The following SULT6B1 variants were observed in gnomAD, a reference collection of about 807,000 sequenced individuals.
SULT6B1 encodes sulfotransferase 6B1.
A neutral mutation model predicts 37.2 loss-of-function variants in SULT6B1; 44 were observed. The observed-to-expected ratio is 1.18, with a 90% CI of 0.93 to 1.52. The LOEUF (loss-of-function observed/expected upper bound fraction) is 1.52, where lower values mean the gene tolerates loss of function less well. Among genes scored for constraint, SULT6B1 ranks in the 40% most tolerant of loss-of-function variants. The pLI is 0.00. For synonymous variants in SULT6B1, 140 were observed against 126.0 expected (o/e 1.11, Z -0.74); for missense variants, 450 against 361.0 (o/e 1.25, Z -2.00).
chr2:37,168,573 A>T (rs1234045420), intron 6 of SULT6B1, among the ~76,000 whole-genome samples: 2 of 152,128 alleles, frequency 1.3e-5, no homozygotes, highest in Non-Finnish European at 2.9e-5. Context: ...CACTAGGGGG[A>T]GCCATCAGCC....
upstream of SULT6B1, among the ~76,000 whole-genome samples, chr2:37,192,066 G>T (rs1676791017): frequency 6.6e-6 from 1 of 152,248 alleles, no homozygotes; most frequent in South Asian, 2.1e-4. Context: ...CAGCTGGTTG[G>T]GCTGGGTGCC....
chr2:37,194,505 T>C (rs1676852411), intron 1 of SULT6B1: 2 of 388,464 alleles, frequency 5.1e-6, no homozygotes, highest in Admixed American at 2.9e-5. Flanking sequence ...TACGGGACAT[T>C]CCTTATTCCT....
At position 37,183,522 on chromosome 2, in the gene SULT6B1, A is replaced by G. The variant is rs1676601044; in HGVS notation, c.313-8T>C. The G allele has an allele frequency of 6.2e-7, 1 of 1,609,374 alleles. No individual in the cohort carries two copies. The highest frequency in any genetic ancestry group is 8.5e-7 in the Non-Finnish European group (1 of 1,175,782). ...TGGAAAGCCTTTCATTCTCTTAAAA[A>G]TATACACAAAAAGGTGAAAATGTGC... On this transcript the variant is annotated splice_region_variant and splice_polypyrimidine_tract_variant and intron_variant, in intron 2 of 6. Transcript: ENST00000535679.
At chr2:37,176,421 G>A (rs1455461607) in intron 4 of SULT6B1, among the ~76,000 whole-genome samples, 1 of 151,798 alleles carries the variant, frequency 6.6e-6, no homozygotes, top group Non-Finnish European at 1.5e-5. Flanking sequence ...CACCATGCCT[G>A]GCTAATTTTT....
intron 1 of SULT6B1, among the ~76,000 whole-genome samples, chr2:37,194,953 C>T (rs1572471814): frequency 1.1e-5 from 1 of 93,538 alleles, no homozygotes. Context: ...TCCTTCCTTC[C>T]TTCCTTCCAT....
chr2:37,173,020 T>G (rs919836501), intron 5 of SULT6B1, among the ~76,000 whole-genome samples: 1 of 151,512 alleles, frequency 6.6e-6, no homozygotes, highest in African/African-American at 2.4e-5. Flanking sequence ...ACCCAGCTAA[T>G]TTTTGTATTT....
At chr2:37,188,717 T>C, upstream of SULT6B1, 1 of 593,006 alleles carries the variant, frequency 1.7e-6, no homozygotes, top group Non-Finnish European at 3.0e-6. Context: ...GGGCAGGGGC[T>C]GGAATAAAGG....
At chr2:37,188,360 C>T (rs1201952428) in intron 1 of SULT6B1, 82 bp downstream of exon 1, 13 of 1,220,854 alleles carry the variant, frequency 1.1e-5, no homozygotes, top group Admixed American at 6.1e-5. Flanking sequence ...TGAGGAACCG[C>T]CTTCATCCCA....
At chr2:37,194,569 C>T in intron 1 of SULT6B1, 1 of 369,470 alleles carries the variant, frequency 2.7e-6, no homozygotes, top group Non-Finnish European at 5.3e-6. Flanking sequence ...CTGGAGTTCC[C>T]ATCTCCTTCA....
At chr2:37,174,372 C>A (rs1012468353) in intron 5 of SULT6B1, among the ~76,000 whole-genome samples, 1 of 150,902 alleles carries the variant, frequency 6.6e-6, no homozygotes, top group Admixed American at 6.7e-5. Flanking sequence ...GTAGCTGGTA[C>A]TACAGGTACA....
intron 1 of SULT6B1, among the ~76,000 whole-genome samples, chr2:37,194,907 TCC>T: frequency 3.7e-5 from 1 of 26,724 alleles, no homozygotes; most frequent in Middle Eastern, 0.016. Flanking sequence ...TTTCCTTCCT[TCC>T]TTCCTTCCTT....
At position 37,180,815 on chromosome 2, in the gene SULT6B1, C is replaced by T. The variant is rs116049382; in HGVS notation, c.403-1231G>A. On this transcript the variant is annotated intron_variant, in intron 3 of 6. Coordinates refer to ENST00000535679, the MANE Select transcript of SULT6B1 (RefSeq NM_001367551.1). ...AGGAGAATTGGTTGAACCTAGGAGA[C>T]GGAGGTTGTCATGAGCCAAGATTGT... Among the ~76,000 whole-genome samples, 1,100 of 152,198 alleles carry T rather than the reference C, an allele frequency of 7.2e-3. 5 individuals carry two copies. The highest frequency in any genetic ancestry group is 0.011 in the Non-Finnish European group (727 of 68,010).
rs756547513 is a variant in SULT6B1, at chr2:37,171,580, G to A, written c.635C>T (p.Ala212Val). The change falls in exon 6 of 7, where the codon GCT (alanine) becomes GTT (valine). Residue 212 changes from alanine to valine, a missense_variant. Coordinates refer to ENST00000535679, the MANE Select transcript of SULT6B1 (RefSeq NM_001367551.1). ...GAACTCAGCAATCTGTTTTATTCCAGCAGCCAGATTCTGTAAAAAAATTTT... is the reference window on the plus strand; with the variant it reads ...GAACTCAGCAATCTGTTTTATTCCAACAGCCAGATTCTGTAAAAAAATTTT... ...LYEDLKENLA[A>V]GIKQIAEFLG... 3.7e-6 allele frequency: 6 copies of A among 1,612,168 alleles called. No individual in the cohort carries two copies. The African/African-American group carries it at 5.3e-5, about 14-fold the overall frequency.
chr2:37,188,772 A>T (rs759763975), upstream of SULT6B1: 1 of 493,472 alleles, frequency 2.0e-6, no homozygotes, highest in Admixed American at 3.3e-5. Context: ...ATTCTCATCC[A>T]CCCCTCCCTC....
intron 5 of SULT6B1, among the ~76,000 whole-genome samples, chr2:37,172,030 G>A (rs932925052): frequency 6.7e-6 from 1 of 148,806 alleles, no homozygotes; most frequent in Non-Finnish European, 1.5e-5. Context: ...CTAATTTTTA[G>A]AATCATAAAA....
chr2:37,171,462 A>G lies in SULT6B1; in HGVS notation c.753T>C (p.Gly251=). The G allele has an allele frequency of 1.9e-6, 3 of 1,614,036 alleles. No homozygotes were observed. Among genetic ancestry groups the G allele is most frequent in the Non-Finnish European group, 2.5e-6 (3 of 1,179,978 alleles). Residue 251 remains glycine (G), a synonymous_variant, in exon 6 of 7, where the codon GGT becomes GGC. Coordinates refer to ENST00000535679, the MANE Select transcript of SULT6B1 (RefSeq NM_001367551.1). The part of the protein sequence containing the change: ...AMRAKSQDTH[G]AVGPFLFRKG... ...TGCGGAAAAGGAATGGGCCGACAGC[A>G]CCGTGTGTGTCCTGAGACTTCGCAC...
chr2:37,175,892 T>C (rs1040487395), intron 4 of SULT6B1, among the ~76,000 whole-genome samples: 5 of 152,224 alleles, frequency 3.3e-5, no homozygotes, highest in African/African-American at 1.2e-4. Context: ...GTTTAAAAAG[T>C]ATATTCACAT....
chr2:37,175,065 T>C (rs1261968284), intron 5 of SULT6B1, 67 bp downstream of exon 5: 2 of 885,702 alleles, frequency 2.3e-6, no homozygotes, highest in Admixed American at 3.0e-5. Flanking sequence ...AAACAGACAT[T>C]ATAAGTAAGT....
chr2:37,186,346 C>G (rs184672202), intron 2 of SULT6B1, among the ~76,000 whole-genome samples: 48 of 152,244 alleles, frequency 3.2e-4, no homozygotes, highest in Admixed American at 1.8e-3. Flanking sequence ...TCTTCCATGT[C>G]TTTTTTCTGT....
Sources: allele counts gnomAD v4.1 joint callset (sites outside exome capture counted in the v4.1 genomes callset), GRCh38; gene constraint gnomAD v4.1.1; transcripts MANE v1.5; gene names NCBI Gene and HGNC (gene_info 2026-07-23, HGNC 2026-07-21).